The following POU6F2 variants were observed in gnomAD, a reference collection of about 807,000 sequenced individuals.
POU6F2 encodes POU class 6 homeobox 2.
In POU6F2, 31 loss-of-function variants were observed where a neutral mutation model predicts 71.3. The observed-to-expected ratio is 0.43, with a 90% CI of 0.33 to 0.59. POU6F2 has a LOEUF of 0.59. Among genes scored for constraint, POU6F2 ranks in the 20% least tolerant of loss-of-function variants. The probability of loss-of-function intolerance (pLI) is 0.04; values close to 1 mark genes in which losing one functional copy is unlikely to be tolerated. For missense variants in POU6F2, 783 were observed against 856.8 expected (o/e 0.91, Z 1.07); for synonymous variants, 347 against 355.7 (o/e 0.98, Z 0.27).
At chr7:39,153,144 A>G (rs953345087) in intron 2 of POU6F2, among the ~76,000 whole-genome samples, 2 of 152,192 alleles carry the variant, frequency 1.3e-5, no homozygotes, top group Non-Finnish European at 2.9e-5. Flanking sequence ...GGGGAGACTT[A>G]GTGTCAAAAC....
At position 39,092,524 on chromosome 7, in the gene POU6F2, T is replaced by C. The variant is rs570907867; in HGVS notation, c.277+6493T>C. On this transcript the variant is annotated intron_variant, in intron 2 of 9. Coordinates refer to ENST00000518318, the MANE Select transcript of POU6F2 (RefSeq NM_001370959.1). ...TAGTTGAACATATACTTTGTCATGC[T>C]ATGACTCTGAATGAGCTTCTAAATC... Among the ~76,000 whole-genome samples the C allele has an allele frequency of 3.3e-5, 5 of 152,366 alleles. No individual in the cohort carries two copies. In the South Asian group the frequency reaches 1.0e-3, roughly 32 times the overall value.
At chr7:39,232,642 A>G (rs1794597309) in intron 4 of POU6F2, among the ~76,000 whole-genome samples, 1 of 152,248 alleles carries the variant, frequency 6.6e-6, no homozygotes, top group South Asian at 2.1e-4. Flanking sequence ...ATGAATACAT[A>G]CTGAATTTGT....
chr7:39,386,727 A>G (rs1442129324), intron 5 of POU6F2, among the ~76,000 whole-genome samples: 1 of 152,228 alleles, frequency 6.6e-6, no homozygotes, highest in Non-Finnish European at 1.5e-5. Context: ...GCAAAAAAAG[A>G]GCAAGAAGAA....
intron 4 of POU6F2, among the ~76,000 whole-genome samples, chr7:39,226,697 G>A (rs1043026653): frequency 4.5e-4 from 68 of 152,290 alleles, no homozygotes; most frequent in African/African-American, 1.6e-3. Flanking sequence ...CTGAAAGTAG[G>A]TCATTCAGAA....
intron 4 of POU6F2, among the ~76,000 whole-genome samples, chr7:39,324,885 G>A (rs1292301768): frequency 3.3e-5 from 5 of 152,252 alleles, no homozygotes; most frequent in Admixed American, 6.5e-5. Flanking sequence ...TGTCAGTTGC[G>A]TTCTTTTTAG....
chr7:39,277,636 GAC>G (rs940266623), intron 4 of POU6F2, among the ~76,000 whole-genome samples: 1 of 151,962 alleles, frequency 6.6e-6, no homozygotes, highest in Non-Finnish European at 1.5e-5. Context: ...AGCGGGGAAA[GAC>G]CCAGGGAAAG....
chr7:39,378,597 G>T (rs1786757811), intron 5 of POU6F2, among the ~76,000 whole-genome samples: 1 of 152,142 alleles, frequency 6.6e-6, no homozygotes, highest in South Asian at 2.1e-4. Context: ...TGCTGTCACT[G>T]ATTGCTAGTT....
chr7:39,292,037 G>GA (rs5883684), intron 4 of POU6F2, among the ~76,000 whole-genome samples: 1 of 150,708 alleles, frequency 6.6e-6, no homozygotes, highest in African/African-American at 2.4e-5. Context: ...TCAGAAGGGG[G>GA]AAAAAAACTG....
rs780742920 is a variant in POU6F2 at position 39,135,924 on chromosome 7, CA to C, written c.277+49897del. Among the ~76,000 whole-genome samples the C allele has an allele frequency of 7.9e-5, 12 of 152,222 alleles. No homozygotes were observed. In the East Asian group the frequency reaches 2.3e-3, roughly 29 times the overall value. On this transcript the variant is annotated intron_variant, in intron 2 of 9. Transcript: ENST00000518318. The stretch of plus-strand genomic sequence containing the variant: ...GTTTTGAATTAATAAGCAAGTTCAT[CA>C]AAAGTACAATGGCTGCAGGATAAAT...
intron 1 of POU6F2, chr7:39,083,421 G>T (rs958682378): frequency 3.3e-5 from 5 of 152,256 alleles, no homozygotes; most frequent in Non-Finnish European, 5.9e-5. Flanking sequence ...TAGAATGTAA[G>T]CCTGGGATCT....
intron 4 of POU6F2, among the ~76,000 whole-genome samples, chr7:39,266,349 G>C (rs1023702471): frequency 6.6e-6 from 1 of 152,168 alleles, no homozygotes; most frequent in Non-Finnish European, 1.5e-5. Flanking sequence ...GCACCACAAG[G>C]ATGTGGTAGT....
chr7:39,389,551 A>G (rs766880250), intron 5 of POU6F2, among the ~76,000 whole-genome samples: 11 of 152,218 alleles, frequency 7.2e-5, no homozygotes, highest in Non-Finnish European at 1.3e-4. Flanking sequence ...CTCTCCACCA[A>G]TATTTCTAAG....
intron 1 of POU6F2, among the ~76,000 whole-genome samples, chr7:38,993,024 C>T (rs2116630929): frequency 6.6e-6 from 1 of 152,126 alleles, no homozygotes; most frequent in South Asian, 2.1e-4. Flanking sequence ...GAAACAGTGA[C>T]TTGAGGTTAG....
intron 6 of POU6F2, among the ~76,000 whole-genome samples, chr7:39,412,979 A>G (rs1461026214): frequency 6.1e-5 from 9 of 147,462 alleles, no homozygotes; most frequent in Non-Finnish European, 1.0e-4. Context: ...TTTTTTTTGT[A>G]TTTTTTAGTA....
At chr7:39,355,710 A>C (rs1786242399) in intron 5 of POU6F2, among the ~76,000 whole-genome samples, 1 of 152,174 alleles carries the variant, frequency 6.6e-6, no homozygotes, top group Non-Finnish European at 1.5e-5. Context: ...TCTTCCAGGG[A>C]ACTTCAAGTT....
intron 4 of POU6F2, among the ~76,000 whole-genome samples, chr7:39,288,916 A>C (rs1170591964): frequency 6.6e-6 from 1 of 152,302 alleles, no homozygotes. Flanking sequence ...AAGATTATCA[A>C]GACAGCACAT....
intron 2 of POU6F2, among the ~76,000 whole-genome samples, chr7:39,142,421 A>C (rs1473458337): frequency 6.6e-6 from 1 of 152,222 alleles, no homozygotes; most frequent in East Asian, 1.9e-4. Context: ...AATTGTTTAC[A>C]AGCTTGTAGA....
chr7:38,979,002 G>A (rs1788247393), intron 1 of POU6F2, among the ~76,000 whole-genome samples: 5 of 152,178 alleles, frequency 3.3e-5, no homozygotes, highest in Admixed American at 2.0e-4. Context: ...AGTGGTGGAA[G>A]GAAGGATAGT....
At chr7:39,431,484 T>C (rs1788098667) in intron 6 of POU6F2, among the ~76,000 whole-genome samples, 1 of 152,178 alleles carries the variant, frequency 6.6e-6, no homozygotes, top group African/African-American at 2.4e-5. Flanking sequence ...GCTCAGGGTA[T>C]TGTGTGGGTA....
Sources: allele counts gnomAD v4.1 joint callset (sites outside exome capture counted in the v4.1 genomes callset), GRCh38; gene constraint gnomAD v4.1.1; transcripts MANE v1.5; gene names NCBI Gene and HGNC (gene_info 2026-07-23, HGNC 2026-07-21).